The following KIAA1217 variants were observed in gnomAD, a reference collection of about 807,000 sequenced individuals.
KIAA1217 encodes KIAA1217.
In KIAA1217, 88 loss-of-function variants were observed where a neutral mutation model predicts 163.9. That is an observed-to-expected ratio of 0.54 (90% CI 0.45 to 0.64). The LOEUF (loss-of-function observed/expected upper bound fraction) is 0.64, where lower values mean the gene tolerates loss of function less well. KIAA1217 is among the 30% of genes least tolerant of loss of function. The pLI is 0.00. For synonymous variants in KIAA1217, 903 were observed against 923.1 expected, an observed-to-expected ratio of 0.98 and a Z score of 0.39; for missense variants, 2,372 against 2,475.0, an observed-to-expected ratio of 0.96 and a Z score of 0.88.
chr10:23,772,221 G>A (rs958113489), intron 1 of KIAA1217, among the ~76,000 whole-genome samples: 3 of 152,156 alleles, frequency 2.0e-5, no homozygotes, highest in African/African-American at 7.2e-5. Context: ...CTTTGCCTCA[G>A]CGGACAGCAG....
At chr10:23,992,023 T>C (rs888234878) in intron 1 of KIAA1217, among the ~76,000 whole-genome samples, 2 of 152,168 alleles carry the variant, frequency 1.3e-5, no homozygotes, top group Admixed American at 1.3e-4. Context: ...TATTATGACA[T>C]GATTACCTGG....
intron 2 of KIAA1217, among the ~76,000 whole-genome samples, chr10:24,163,562 G>A (rs2065213961): frequency 6.6e-6 from 1 of 152,164 alleles, no homozygotes; most frequent in African/African-American, 2.4e-5. Context: ...TTTTCTTGAA[G>A]CTTATTTCTT....
chr10:23,779,247 T>C (rs1382213152), intron 1 of KIAA1217, among the ~76,000 whole-genome samples: 2 of 152,174 alleles, frequency 1.3e-5, no homozygotes, highest in African/African-American at 4.8e-5. Flanking sequence ...CAGAGGCAGG[T>C]CAGAAAATCA....
At chr10:24,116,355 G>A (rs2063054185) in intron 2 of KIAA1217, among the ~76,000 whole-genome samples, 1 of 152,078 alleles carries the variant, frequency 6.6e-6, no homozygotes, top group South Asian at 2.1e-4. Flanking sequence ...AACTTTCTCT[G>A]TAAAGGGACA....
intron 1 of KIAA1217, among the ~76,000 whole-genome samples, chr10:23,939,907 A>G (rs975213947): frequency 5.3e-4 from 80 of 150,222 alleles, no homozygotes; most frequent in African/African-American, 1.9e-3. Context: ...TTAAATATTA[A>G]TATTTACTGT....
chr10:23,732,397 G>T (rs536997652), intron 1 of KIAA1217, among the ~76,000 whole-genome samples: 123 of 152,026 alleles, frequency 8.1e-4, no homozygotes, highest in African/African-American at 2.8e-3. Context: ...ATAAAAAATA[G>T]AAATTTAAAA....
At chr10:24,389,416 G>A (rs1052810106) in intron 3 of KIAA1217, among the ~76,000 whole-genome samples, 12 of 152,078 alleles carry the variant, frequency 7.9e-5, no homozygotes, top group African/African-American at 2.9e-4. Context: ...TGGGGGAATG[G>A]GGGAGGGATA....
intron 2 of KIAA1217, among the ~76,000 whole-genome samples, chr10:24,248,595 T>TGGGAGGCGGAGGTTGCA (rs928405717): frequency 7.5e-6 from 1 of 132,498 alleles, no homozygotes; most frequent in Non-Finnish European, 1.5e-5. Flanking sequence ...CGCTTGAACT[T>TGGGAGGCGGAGGTTGCA]GGGAGGCGGA....
At chr10:23,911,347 C>G (rs894999263) in intron 1 of KIAA1217, among the ~76,000 whole-genome samples, 1 of 152,220 alleles carries the variant, frequency 6.6e-6, no homozygotes, top group Non-Finnish European at 1.5e-5. Flanking sequence ...AACAACCTCA[C>G]TTCTCCACAT....
chr10:24,262,365 C>T (rs1291392352), intron 2 of KIAA1217, among the ~76,000 whole-genome samples: 1 of 152,140 alleles, frequency 6.6e-6, no homozygotes, highest in African/African-American at 2.4e-5. Context: ...TGGTGGCTCA[C>T]ACCTGTAATC....
intron 1 of KIAA1217, among the ~76,000 whole-genome samples, chr10:23,868,514 A>G (rs1344137139): frequency 6.6e-6 from 1 of 152,068 alleles, no homozygotes; most frequent in African/African-American, 2.4e-5. Flanking sequence ...TTACCAAATC[A>G]TGACTCTCCT....
rs749754632 is a variant in KIAA1217, at chr10:24,545,014, C to A, written c.5245C>A (p.Pro1749Thr). The A allele has an allele frequency of 7.4e-6, 12 of 1,613,986 alleles. No individual in the cohort carries two copies. The African/African-American group carries it at 1.2e-4, about 16-fold the overall frequency. ...SSGAPQTSRM[P>T]VPMSAKNRPG... ...CGGGGCCCCACAGACGAGCAGGATG[C>A]CTGTCCCCATGAGTGCCAAGAACAG... Residue 1749 changes from proline to threonine, a missense_variant, in exon 20 of 21, where the codon CCT becomes ACT. Around this residue, in one of 3 missense-constraint regions of KIAA1217, gnomAD observed 690 missense variants for 677.5 expected, o/e 1.02. Coordinates refer to ENST00000376454, the MANE Select transcript of KIAA1217 (RefSeq NM_019590.5).
At chr10:24,443,097 A>C (rs929790306) in intron 5 of KIAA1217, among the ~76,000 whole-genome samples, 1 of 151,852 alleles carries the variant, frequency 6.6e-6, no homozygotes, top group Non-Finnish European at 1.5e-5. Context: ...TTTTAGAAGA[A>C]ATGGGATTTT....
At chr10:23,855,438 G>C (rs920504164) in intron 1 of KIAA1217, among the ~76,000 whole-genome samples, 1 of 152,122 alleles carries the variant, frequency 6.6e-6, no homozygotes, top group Admixed American at 6.5e-5. Context: ...CTGTCTGGCT[G>C]CCCTTAACAT....
At chr10:24,542,469 C>A in intron 17 of KIAA1217, 2 of 1,386,596 alleles carry the variant, frequency 1.4e-6, no homozygotes, top group Non-Finnish European at 1.9e-6. Flanking sequence ...TTCTTGAAAT[C>A]TTTTGCTAAT....
chr10:23,853,740 T>C lies in KIAA1217; in HGVS notation c.-320-153485T>C, dbSNP rs564753493. On this transcript the variant is annotated intron_variant, in intron 1 of 18. Transcript: ENST00000376462. ...AGTCAACTTCTTCCTGGTTTAGTCT[T>C]GGGAGGGTGTGTGTGTCGAGGAATT... Among the ~76,000 whole-genome samples, 10 of 152,298 alleles carry C rather than the reference T, an allele frequency of 6.6e-5. No homozygotes were observed. In the East Asian group the frequency reaches 1.9e-3, roughly 29 times the overall value.
intron 1 of KIAA1217, among the ~76,000 whole-genome samples, chr10:23,938,638 G>T (rs1376530436): frequency 1.3e-5 from 2 of 151,932 alleles, no homozygotes; most frequent in East Asian, 3.9e-4. Context: ...ATTGCATTAG[G>T]TTTTATAAGT....
intron 1 of KIAA1217, among the ~76,000 whole-genome samples, chr10:23,796,001 A>T (rs940145538): frequency 1.6e-4 from 24 of 152,324 alleles, no homozygotes; most frequent in African/African-American, 5.3e-4. Flanking sequence ...CCCTTGAAAG[A>T]ACTCAAAATT....
chr10:23,869,182 C>T (rs1840344598), intron 1 of KIAA1217, among the ~76,000 whole-genome samples: 1 of 108,592 alleles, frequency 9.2e-6, no homozygotes, highest in Non-Finnish European at 1.7e-5. Flanking sequence ...TTTGAAGTAA[C>T]AGCGTTGCTA....
Sources: allele counts gnomAD v4.1 joint callset (sites outside exome capture counted in the v4.1 genomes callset), GRCh38; gene constraint gnomAD v4.1.1; regional missense constraint gnomAD v4.1.1; transcripts MANE v1.5; gene names NCBI Gene and HGNC (gene_info 2026-07-23, HGNC 2026-07-21).